The following GTPBP10 variants were observed in gnomAD, a reference collection of about 807,000 sequenced individuals.
The protein encoded by GTPBP10 is GTP-binding protein 10.
In GTPBP10, 38 loss-of-function variants were observed where a neutral mutation model predicts 44.8. The ratio of observed to expected loss-of-function variants is 0.85; its 90% CI spans 0.65 to 1.11. The LOEUF (loss-of-function observed/expected upper bound fraction) is 1.11. GTPBP10 is among the 50% of genes most tolerant of loss of function. GTPBP10 has a pLI of 0.00. For missense variants in GTPBP10, 462 were observed against 453.7 expected (o/e 1.02, Z -0.17); for synonymous variants, 152 against 150.6 (o/e 1.01, Z -0.07).
rs1257909551 is a variant in GTPBP10 at position 90,390,646 on chromosome 7, A to G, written c.*5492A>G. ...ATTTGCGAGCAATATATGGCATGAT[A>G]GTATTTTCTTATCTAAATTCTGAGT... On this transcript the variant is annotated 3_prime_UTR_variant, in exon 10 of 10. Coordinates refer to ENST00000222511, the MANE Select transcript of GTPBP10 (RefSeq NM_033107.4). 6.6e-6 allele frequency: 1 copy of G among 152,174 alleles called. No homozygotes were observed. Among genetic ancestry groups the G allele is most frequent in the African/African-American group, 2.4e-5 (1 of 41,444 alleles). 9.4% of individuals were successfully genotyped at this position (152,174 alleles called of 1,614,324 possible). A position where few individuals can be genotyped will look rare whatever the true frequency, so the allele number is the denominator to read the frequency against.
rs1331714096 is a variant in GTPBP10, at chr7:90,348,739, C to T, written c.33+1965C>T. Among the ~76,000 whole-genome samples, 3 of 152,028 alleles carry T rather than the reference C, an allele frequency of 2.0e-5. No individual in the cohort carries two copies. In the East Asian group the frequency reaches 5.8e-4, roughly 29 times the overall value. On this transcript the variant is annotated intron_variant, in intron 1 of 9. Transcript: ENST00000222511. ...GTCATGCTTTTGCTTTTCTCTTTCCCCCAAAAAAATGTTTCTATAGGGTAC... is the reference window on the plus strand; with the variant it reads ...GTCATGCTTTTGCTTTTCTCTTTCCTCCAAAAAAATGTTTCTATAGGGTAC...
In GTPBP10 at chr7:90,385,118, G is replaced by A. The variant is rs374949799; in HGVS notation, c.1128G>A (p.Lys376=). 1 of 1,610,548 alleles carries A rather than the reference G, an allele frequency of 6.2e-7. No homozygotes were observed. Among genetic ancestry groups the A allele is most frequent in the Admixed American group, 1.7e-5 (1 of 59,874 alleles). The part of the protein sequence containing the change: ...DTMSSTEPPS[K]HAVTTSKMDI... The stretch of plus-strand genomic sequence containing the variant: ...TGTCTTCTACTGAGCCACCATCAAA[G>A]CATGCTGTTACTACTTCCAAAATGG... Residue 376 remains lysine, a synonymous_variant, in exon 10 of 10, where the codon AAG becomes AAA. Coordinates refer to ENST00000222511, the MANE Select transcript of GTPBP10 (RefSeq NM_033107.4).
chr7:90,378,813 C>T (rs905025526), intron 8 of GTPBP10, among the ~76,000 whole-genome samples: 1 of 152,132 alleles, frequency 6.6e-6, no homozygotes, highest in African/African-American at 2.4e-5. Flanking sequence ...AGTGATTCTC[C>T]TGCCTCAGCC....
chr7:90,358,456 A>G (rs1229883032), intron 4 of GTPBP10, among the ~76,000 whole-genome samples: 3 of 152,172 alleles, frequency 2.0e-5, no homozygotes, highest in Non-Finnish European at 2.9e-5. Flanking sequence ...GAACCCAGAA[A>G]TAAAACCAAA....
rs1198195577 is a variant in GTPBP10, at chr7:90,389,925, C to T, written c.*4771C>T. On this transcript the variant is annotated 3_prime_UTR_variant, in exon 10 of 10. Coordinates refer to ENST00000222511, the MANE Select transcript of GTPBP10 (RefSeq NM_033107.4). ...GCCTCATCCTCCCAAGTAGCTAGGA[C>T]TACAAGTGTGTGCCACCATACCTGG... 2 of 152,218 alleles carry T rather than the reference C, an allele frequency of 1.3e-5. No individual in the cohort carries two copies. The highest frequency in any genetic ancestry group is 4.8e-5 in the African/African-American group (2 of 41,408). 9.4% of individuals were successfully genotyped at this position (152,218 alleles called of 1,614,324 possible). A position where few individuals can be genotyped will look rare whatever the true frequency, so the allele number is the denominator to read the frequency against.
At chr7:90,354,623 TTGAG>T in intron 3 of GTPBP10, 74 bp downstream of exon 3, 1 of 744,340 alleles carries the variant, frequency 1.3e-6, no homozygotes, top group East Asian at 2.9e-5. Flanking sequence ...ATAGCTTCTC[TTGAG>T]TTTCAGAAGA....
chr7:90,360,495 C>T (rs577671651), intron 4 of GTPBP10, among the ~76,000 whole-genome samples: 6 of 152,108 alleles, frequency 3.9e-5, no homozygotes, highest in Non-Finnish European at 8.8e-5. Context: ...TCCTATTGGT[C>T]TATATCTCTG....
intron 8 of GTPBP10, among the ~76,000 whole-genome samples, chr7:90,380,173 A>G (rs761999728): frequency 6.7e-5 from 10 of 149,998 alleles, no homozygotes; most frequent in African/African-American, 9.8e-5. Flanking sequence ...CCACCTCCCA[A>G]GTTCAAGTGA....
At chr7:90,377,038 A>G (rs532939495) in intron 6 of GTPBP10, among the ~76,000 whole-genome samples, 2 of 152,316 alleles carry the variant, frequency 1.3e-5, no homozygotes, top group East Asian at 3.9e-4. Context: ...AGCCTGTGCA[A>G]GATAGCGAGA....
chr7:90,361,528 A>G lies in GTPBP10; in HGVS notation c.464+6298A>G, dbSNP rs543497303. ...AGCTTTTTGATGTGCTGCTGGATTC[A>G]GTTTGCCAGTATTTTATTGAGGATT... On this transcript the variant is annotated intron_variant, in intron 4 of 9. Coordinates refer to ENST00000222511, the MANE Select transcript of GTPBP10 (RefSeq NM_033107.4). Among the ~76,000 whole-genome samples the G allele has an allele frequency of 9.2e-5, 14 of 152,238 alleles. No individual in the cohort carries two copies. In the East Asian group the frequency reaches 2.7e-3, roughly 29 times the overall value.
Position 90,386,121 on chromosome 7 carries a change from A to T in GTPBP10, c.*967A>T, listed in dbSNP as rs372050034. 6.6e-6 allele frequency: 1 copy of T among 152,014 alleles called. No homozygotes were observed. The highest frequency in any genetic ancestry group is 1.5e-5 in the Non-Finnish European group (1 of 68,006). 9.4% of individuals were successfully genotyped at this position (152,014 alleles called of 1,614,324 possible). A position where few individuals can be genotyped will look rare whatever the true frequency, so the allele number is the denominator to read the frequency against. Reference sequence around the variant, plus strand: ...AGTTTATGGCCAGCCCACCTGTAATAACATTCTCTGATATTCCTTTACTTA... The same window carrying T: ...AGTTTATGGCCAGCCCACCTGTAATTACATTCTCTGATATTCCTTTACTTA... On this transcript the variant is annotated 3_prime_UTR_variant, in exon 10 of 10. Coordinates refer to ENST00000222511, the MANE Select transcript of GTPBP10 (RefSeq NM_033107.4).
At position 90,388,999 on chromosome 7, in the gene GTPBP10, T is replaced by A. The variant is rs1440243217; in HGVS notation, c.*3845T>A. The A allele has an allele frequency of 6.6e-6, 1 of 152,230 alleles. No individual in the cohort carries two copies. The allele number at this position is 152,230 out of a possible 1,614,324, so 9.4% of individuals were successfully genotyped here. On this transcript the variant is annotated 3_prime_UTR_variant, in exon 10 of 10. Transcript: ENST00000222511. ...AGCTTAAAAATAAAAATTAGTAATA[T>A]AACTTGTGTAAACCTACACAAAAGA...
chr7:90,359,619 T>C (rs1795973617), intron 4 of GTPBP10, among the ~76,000 whole-genome samples: 1 of 152,206 alleles, frequency 6.6e-6, no homozygotes, highest in African/African-American at 2.4e-5. Context: ...CATCTGTCTT[T>C]ATAGCAGCAT....
chr7:90,384,354 A>G (rs930843850), intron 9 of GTPBP10, among the ~76,000 whole-genome samples: 2 of 152,140 alleles, frequency 1.3e-5, no homozygotes, highest in Non-Finnish European at 2.9e-5. Flanking sequence ...TAATATAACA[A>G]TTGTTAGCCC....
At chr7:90,354,610 G>A in intron 3 of GTPBP10, 61 bp downstream of exon 3, 3 of 804,618 alleles carry the variant, frequency 3.7e-6, no homozygotes, top group South Asian at 1.9e-5. Flanking sequence ...ATGAAACAAT[G>A]GAATAGCTTC....
At chr7:90,362,149 CTTAG>C (rs1244422209) in intron 4 of GTPBP10, among the ~76,000 whole-genome samples, 1 of 151,748 alleles carries the variant, frequency 6.6e-6, no homozygotes, top group Non-Finnish European at 1.5e-5. Context: ...CTGCTCTGAT[CTTAG>C]TTATTTCTTG....
At chr7:90,378,371 C>G (rs1202090105) in intron 8 of GTPBP10, 160 bp downstream of exon 8, 50 of 602,086 alleles carry the variant, frequency 8.3e-5, no homozygotes, top group Non-Finnish European at 9.8e-5. Context: ...CCTCTACATT[C>G]ATTTGCTCCT....
intron 4 of GTPBP10, among the ~76,000 whole-genome samples, chr7:90,365,140 A>G (rs1207241028): frequency 6.6e-6 from 1 of 151,998 alleles, no homozygotes; most frequent in Non-Finnish European, 1.5e-5. Flanking sequence ...ACTGTCCTGC[A>G]CCCACTATCC....
intron 4 of GTPBP10, among the ~76,000 whole-genome samples, chr7:90,356,281 T>C (rs42666): frequency 0.8 from 121,895 of 152,154 alleles, 48,977 homozygotes; most frequent in East Asian, 0.89. Flanking sequence ...AAAGATGTGA[T>C]CCTGGCTTGC....
Sources: allele counts gnomAD v4.1 joint callset (sites outside exome capture counted in the v4.1 genomes callset), GRCh38; gene constraint gnomAD v4.1.1; transcripts MANE v1.5; gene names NCBI Gene and HGNC (gene_info 2026-07-23, HGNC 2026-07-21).